CARMIL1: variants seen among roughly 807,000 people sequenced by gnomAD.
The protein encoded by CARMIL1 is capping protein regulator and myosin 1 linker 1.
In CARMIL1, 90 loss-of-function variants were observed where a neutral mutation model predicts 177.1. That is an observed-to-expected ratio of 0.51 (90% confidence interval 0.43 to 0.61). CARMIL1 has a LOEUF of 0.61. CARMIL1 is among the 20% of genes least tolerant of loss of function. CARMIL1 has a pLI of 0.00. For synonymous variants in CARMIL1, 577 were observed against 606.2 expected, an observed-to-expected ratio of 0.95 and a Z score of 0.71; for missense variants, 1,380 against 1,667.0, an observed-to-expected ratio of 0.83 and a Z score of 3.00.
In CARMIL1 at chr6:25,592,919, C is replaced by T. The variant is rs113431038; in HGVS notation, c.3007-1496C>T. 2.0e-3 allele frequency among the ~76,000 whole-genome samples: 298 copies of T among 152,302 alleles called. 3 individuals carry two copies. The highest frequency in any genetic ancestry group is 0.014 in the Middle Eastern group (4 of 294). The stretch of plus-strand genomic sequence containing the variant: ...GTGAAATATTAATATACATTGCAGA[C>T]ACAAATCAAGCATCTGACTAAGCTT... On this transcript the variant is annotated intron_variant, in intron 31 of 36. Transcript: ENST00000329474.
chr6:25,444,843 T>A (rs975847340), intron 5 of CARMIL1, among the ~76,000 whole-genome samples: 6 of 152,212 alleles, frequency 3.9e-5, no homozygotes, highest in Admixed American at 2.6e-4. Flanking sequence ...TACATGTGCA[T>A]GTGTCTTTAT....
At chr6:25,304,862 G>T (rs1425157516) in intron 2 of CARMIL1, among the ~76,000 whole-genome samples, 1 of 152,232 alleles carries the variant, frequency 6.6e-6, no homozygotes, top group Non-Finnish European at 1.5e-5. Context: ...ATGAGGCAGA[G>T]CATTTGGTAA....
In CARMIL1 at chr6:25,449,904, C is replaced by A. The variant is rs1481869654; in HGVS notation, c.378C>A (p.Ile126=). The A allele has an allele frequency of 2.5e-6, 4 of 1,599,552 alleles. No individual in the cohort carries two copies. In the African/African-American group the frequency reaches 4.0e-5, roughly 16 times the overall value. The change falls in exon 6 of 37, where the codon ATC becomes ATA. Residue 126 remains isoleucine, a synonymous_variant. Transcript: ENST00000329474. ...KIFPGLSPVR[I]MKKVSMEPSE... is the part of the protein sequence containing the mutation. ...GTTGTTGTTGATCTTACAGGAGAAT[C>A]ATGAAAAAAGTCTCCATGGAGCCAT... is the stretch of plus-strand genomic sequence containing the variant.
chr6:25,337,408 A>G (rs909513112), intron 2 of CARMIL1, among the ~76,000 whole-genome samples: 1 of 152,234 alleles, frequency 6.6e-6, no homozygotes, highest in African/African-American at 2.4e-5. Context: ...AATCGGGCAT[A>G]TGTCTTCTAA....
At chr6:25,359,073 T>C (rs1788919316) in intron 2 of CARMIL1, among the ~76,000 whole-genome samples, 1 of 152,234 alleles carries the variant, frequency 6.6e-6, no homozygotes, top group South Asian at 2.1e-4. Flanking sequence ...GTCTTTTTTC[T>C]GCCAAGATGG....
chr6:25,478,300 C>T (rs556644660), intron 11 of CARMIL1, among the ~76,000 whole-genome samples: 1 of 152,048 alleles, frequency 6.6e-6, no homozygotes, highest in Admixed American at 6.6e-5. Context: ...ATCAGTGAGT[C>T]CCAGAGTCGA....
intron 2 of CARMIL1, among the ~76,000 whole-genome samples, chr6:25,412,957 G>A (rs1795050966): frequency 6.6e-6 from 1 of 152,142 alleles, no homozygotes; most frequent in African/African-American, 2.4e-5. Context: ...TGTTCCTTTT[G>A]GGTGAAGTGT....
At chr6:25,489,734 T>A (rs1248293110) in intron 13 of CARMIL1, among the ~76,000 whole-genome samples, 1 of 152,224 alleles carries the variant, frequency 6.6e-6, no homozygotes, top group Non-Finnish European at 1.5e-5. Flanking sequence ...TGTATTTTTT[T>A]TTCCTTTTCC....
At chr6:25,360,345 C>A (rs1270402805) in intron 2 of CARMIL1, among the ~76,000 whole-genome samples, 4 of 152,204 alleles carry the variant, frequency 2.6e-5, no homozygotes, top group African/African-American at 9.7e-5. Flanking sequence ...AAGAGAACAT[C>A]TTGCAGTGAG....
chr6:25,410,903 T>C (rs1323106179), intron 2 of CARMIL1, among the ~76,000 whole-genome samples: 13 of 152,188 alleles, frequency 8.5e-5, no homozygotes, highest in Admixed American at 8.5e-4. Context: ...TGTTTCCTCA[T>C]CTGTAAAATA....
At chr6:25,510,649 C>G in intron 19 of CARMIL1, 43 bp downstream of exon 19, 1 of 1,494,722 alleles carries the variant, frequency 6.7e-7, no homozygotes, top group Non-Finnish European at 9.1e-7. Flanking sequence ...ATGAAAATAA[C>G]CAGCCTCCTG....
At chr6:25,548,998 G>C (rs1809796416) in intron 26 of CARMIL1, among the ~76,000 whole-genome samples, 1 of 152,202 alleles carries the variant, frequency 6.6e-6, no homozygotes, top group Non-Finnish European at 1.5e-5. Flanking sequence ...TGGGATAGAG[G>C]TGGTGGTAAG....
chr6:25,590,605 A>AT (rs138582098), intron 31 of CARMIL1, among the ~76,000 whole-genome samples: 13,073 of 152,158 alleles, frequency 0.086, 701 homozygotes, highest in Non-Finnish European at 0.12. Context: ...AGTGTTGTCT[A>AT]TATGCTTGTG....
At position 25,341,239 on chromosome 6, in the gene CARMIL1, T is replaced by TA. The variant is rs1490489929; in HGVS notation, c.138+56331dup. Among the ~76,000 whole-genome samples the TA allele has an allele frequency of 3.3e-5, 5 of 152,130 alleles. No homozygotes were observed. The East Asian group carries it at 9.6e-4, about 29-fold the overall frequency. On this transcript the variant is annotated intron_variant, in intron 2 of 36. Transcript: ENST00000329474. Reference sequence around the variant, plus strand: ...AACTGCGCTGGGATTTAAGTTGAGGTAGTCAGATTCCAGAGAGATCTGAGA... The same window carrying TA: ...AACTGCGCTGGGATTTAAGTTGAGGTAAGTCAGATTCCAGAGAGATCTGAGA...
chr6:25,335,990 C>A (rs910118137), intron 2 of CARMIL1, among the ~76,000 whole-genome samples: 1 of 150,394 alleles, frequency 6.6e-6, no homozygotes, highest in Non-Finnish European at 1.5e-5. Flanking sequence ...TGTGCTGGCC[C>A]AATGAAATAG....
Position 25,459,122 on chromosome 6 carries a change from T to C in CARMIL1, c.615-6751T>C, listed in dbSNP as rs1453307554. Among the ~76,000 whole-genome samples the C allele has an allele frequency of 5.3e-5, 8 of 151,892 alleles. No individual in the cohort carries two copies. The East Asian group carries it at 1.5e-3, about 29-fold the overall frequency. On this transcript the variant is annotated intron_variant, in intron 8 of 36. Coordinates refer to ENST00000329474, the MANE Select transcript of CARMIL1 (RefSeq NM_017640.6). The stretch of plus-strand genomic sequence containing the variant: ...GATGGCTTTTTCTTCTGGAAAGATA[T>C]AAGAGAAAAACTTGATTCTTTAGAG...
chr6:25,586,684 A>C (rs1813745657), intron 31 of CARMIL1, among the ~76,000 whole-genome samples: 1 of 152,182 alleles, frequency 6.6e-6, no homozygotes, highest in Non-Finnish European at 1.5e-5. Context: ...TGAGTGAGCG[A>C]GACTCCGTCT....
At chr6:25,366,003 GTAT>G (rs1253311329) in intron 2 of CARMIL1, among the ~76,000 whole-genome samples, 1 of 152,034 alleles carries the variant, frequency 6.6e-6, no homozygotes, top group East Asian at 1.9e-4. Context: ...ACGTATGTAT[GTAT>G]TATGTATTTA....
rs1190891489 is a variant in CARMIL1 at position 25,577,905 on chromosome 6, C to A, written c.2743-3019C>A. ...TTATTGATGATTTGTGATGTTAGGA[C>A]AAGAAAGAAGTCTGTGTTTAAGATT... is the stretch of plus-strand genomic sequence containing the variant. On this transcript the variant is annotated intron_variant, in intron 29 of 36. Transcript: ENST00000329474. The surrounding 1 kb of genome is among the most constrained non-coding windows in gnomAD (Gnocchi z 4.5). Among the ~76,000 whole-genome samples the A allele has an allele frequency of 1.3e-5, 2 of 152,048 alleles. No homozygotes were observed. The highest frequency in any genetic ancestry group is 2.9e-5 in the Non-Finnish European group (2 of 67,996).
Sources: allele counts gnomAD v4.1 joint callset (sites outside exome capture counted in the v4.1 genomes callset), GRCh38; gene constraint gnomAD v4.1.1; non-coding constraint Gnocchi (gnomAD v3.1); transcripts MANE v1.5; gene names NCBI Gene and HGNC (gene_info 2026-07-23, HGNC 2026-07-21).